DGLUCY: variants seen among roughly 807,000 people sequenced by gnomAD.
DGLUCY encodes the protein D-glutamate cyclase, mitochondrial.
In DGLUCY, 58 loss-of-function variants were observed where a neutral mutation model predicts 58.5. That is an observed-to-expected ratio of 0.99 (90% confidence interval 0.80 to 1.23). DGLUCY has a LOEUF of 1.23. DGLUCY is among the 50% of genes most tolerant of loss of function. The pLI, the probability that DGLUCY is intolerant of heterozygous loss-of-function variation, is 0.00. For synonymous variants in DGLUCY, 325 were observed against 314.1 expected, an observed-to-expected ratio of 1.03 and a Z score of -0.37; for missense variants, 779 against 784.7, an observed-to-expected ratio of 0.99 and a Z score of 0.09.
intron 5 of DGLUCY, 33 bp downstream of exon 5, chr14:91,170,234 A>C: frequency 1.3e-6 from 2 of 1,599,654 alleles, no homozygotes; most frequent in Non-Finnish European, 1.7e-6. Flanking sequence ...ACAAGGGCAG[A>C]ATGGCCTGAA....
chr14:91,195,917 A>G (rs1443569165), intron 9 of DGLUCY, among the ~76,000 whole-genome samples: 4 of 151,986 alleles, frequency 2.6e-5, no homozygotes, highest in East Asian at 1.9e-4. Context: ...TGATCCGCCC[A>G]CCTTGGCCTC....
At chr14:91,137,410 G>A (rs553743197) in intron 1 of DGLUCY, among the ~76,000 whole-genome samples, 38 of 150,822 alleles carry the variant, frequency 2.5e-4, no homozygotes, top group Admixed American at 2.0e-3. Context: ...TTTTTGAGAC[G>A]GAGTCTTTCT....
At chr14:91,132,968 G>A (rs1380039692) in intron 1 of DGLUCY, among the ~76,000 whole-genome samples, 2 of 151,910 alleles carry the variant, frequency 1.3e-5, no homozygotes, top group African/African-American at 4.8e-5. Flanking sequence ...ATGTCTCCAA[G>A]GTACACCCAT....
In DGLUCY at chr14:91,145,688, C is replaced by T. The variant is rs566391304; in HGVS notation, c.-81-11951C>T. On this transcript the variant is annotated intron_variant, in intron 1 of 13. Transcript: ENST00000256324. ...AGTTATTGAGCGCTTGCAACATACCCGGTGCTCTCTCAGCACTTTACATAC... is the reference window on the plus strand; with the variant it reads ...AGTTATTGAGCGCTTGCAACATACCTGGTGCTCTCTCAGCACTTTACATAC... 4.7e-4 allele frequency among the ~76,000 whole-genome samples: 72 copies of T among 152,254 alleles called. No individual in the cohort carries two copies. The South Asian group carries it at 0.014, about 29-fold the overall frequency.
chr14:91,061,185 T>A (rs2043668437), intron 1 of DGLUCY, among the ~76,000 whole-genome samples: 1 of 152,100 alleles, frequency 6.6e-6, no homozygotes, highest in Non-Finnish European at 1.5e-5. Flanking sequence ...GATCCATGCG[T>A]GTGTGACAAC....
chr14:91,117,525 C>CT (rs1176737535), intron 1 of DGLUCY, among the ~76,000 whole-genome samples: 1 of 152,094 alleles, frequency 6.6e-6, no homozygotes, highest in Non-Finnish European at 1.5e-5. Flanking sequence ...TCATCCTGTG[C>CT]TTCCTTTTCT....
intron 6 of DGLUCY, 44 bp downstream of exon 6, chr14:91,173,483 G>C: frequency 6.5e-7 from 1 of 1,540,646 alleles, no homozygotes; most frequent in Non-Finnish European, 8.7e-7. Context: ...TGTTCACATG[G>C]GCAACCCAGG....
chr14:91,203,089 G>A (rs1386573502), intron 11 of DGLUCY, among the ~76,000 whole-genome samples: 1 of 152,214 alleles, frequency 6.6e-6, no homozygotes, highest in Non-Finnish European at 1.5e-5. Context: ...GGGACTGCCA[G>A]CTCTATACAG....
intron 1 of DGLUCY, among the ~76,000 whole-genome samples, chr14:91,101,200 G>T (rs1442566909): frequency 3.3e-5 from 5 of 152,000 alleles, no homozygotes; most frequent in Non-Finnish European, 7.4e-5. Context: ...CATCATTGTT[G>T]GCTATAGGTA....
intron 1 of DGLUCY, among the ~76,000 whole-genome samples, chr14:91,068,114 CA>C (rs1180825717): frequency 8.2e-5 from 12 of 146,334 alleles, no homozygotes; most frequent in Middle Eastern, 3.4e-3. Context: ...CACACACACA[CA>C]CCCCTTGCAT....
chr14:91,225,253 A>G lies in DGLUCY; in HGVS notation c.*420A>G, dbSNP rs896416166. ...CTCCAGACTCCAGTCATCCTCCCCCATCCATGGTTTCTGTTACTCATGGTT... is the reference window on the plus strand; with the variant it reads ...CTCCAGACTCCAGTCATCCTCCCCCGTCCATGGTTTCTGTTACTCATGGTT... On this transcript the variant is annotated 3_prime_UTR_variant, in exon 14 of 14. Coordinates refer to ENST00000256324, the MANE Select transcript of DGLUCY (RefSeq NM_001102368.3). 6.4e-6 allele frequency: 1 copy of G among 155,588 alleles called. No homozygotes were observed. Among genetic ancestry groups the G allele is most frequent in the East Asian group, 1.9e-4 (1 of 5,312 alleles). 9.6% of individuals were successfully genotyped at this position (155,588 alleles called of 1,614,324 possible). A position where few individuals can be genotyped will look rare whatever the true frequency, so the allele number is the denominator to read the frequency against.
intron 12 of DGLUCY, among the ~76,000 whole-genome samples, chr14:91,214,714 G>C (rs1436147587): frequency 6.6e-6 from 1 of 152,220 alleles, no homozygotes; most frequent in Non-Finnish European, 1.5e-5. Context: ...TCAAAACTCA[G>C]CCAGGTGCAC....
chr14:91,199,970 GT>G, intron 11 of DGLUCY, 65 bp downstream of exon 11: 1 of 1,593,052 alleles, frequency 6.3e-7, no homozygotes. Flanking sequence ...TGTTGTTGTT[GT>G]TGTTATGGAG....
chr14:91,129,843 C>A (rs992772743), intron 1 of DGLUCY, among the ~76,000 whole-genome samples: 3 of 152,140 alleles, frequency 2.0e-5, no homozygotes, highest in African/African-American at 7.2e-5. Context: ...ATGGGAGTTT[C>A]TCCATATTGG....
intron 1 of DGLUCY, chr14:91,128,774 A>G (rs1035340494): frequency 2.0e-5 from 3 of 151,938 alleles, no homozygotes; most frequent in Admixed American, 1.3e-4. Context: ...AGTTGTTCCA[A>G]CAGAAGACAC....
intron 1 of DGLUCY, among the ~76,000 whole-genome samples, chr14:91,062,725 C>G (rs1018463306): frequency 6.6e-6 from 1 of 151,266 alleles, no homozygotes; most frequent in Non-Finnish European, 1.5e-5. Context: ...AACACAGAAG[C>G]CTTGCAAGTT....
chr14:91,101,247 T>C (rs185190817), intron 1 of DGLUCY, among the ~76,000 whole-genome samples: 1 of 152,330 alleles, frequency 6.6e-6, no homozygotes, highest in African/African-American at 2.4e-5. Flanking sequence ...TTATTCATCT[T>C]GCTTAACTGA....
At chr14:91,219,072 C>T (rs1887037049) in intron 13 of DGLUCY, among the ~76,000 whole-genome samples, 2 of 151,626 alleles carry the variant, frequency 1.3e-5, no homozygotes, top group Admixed American at 6.6e-5. Flanking sequence ...CCCAGCTGTT[C>T]GAGAGGCTGA....
chr14:91,213,233 A>G (rs879416913), intron 12 of DGLUCY, among the ~76,000 whole-genome samples: 1 of 152,134 alleles, frequency 6.6e-6, no homozygotes, highest in Non-Finnish European at 1.5e-5. Context: ...CCAGGAGTTC[A>G]GGGCCAGCCT....
Sources: gnomAD v4.1 joint callset for allele counts (sites outside exome capture counted in the v4.1 genomes callset) on GRCh38, gnomAD v4.1.1 for gene constraint, MANE v1.5 for transcripts, NCBI Gene and HGNC (gene_info 2026-07-23, HGNC 2026-07-21) for gene names.